Variants in CSTPP1 observed in about 807,000 individuals in gnomAD.
CSTPP1 encodes UPF0705 protein C11orf49.
chr11:46,964,906 G>A, the CSTPP1 span, among the ~76,000 whole-genome samples: 2 of 152,172 alleles, frequency 1.3e-5, no homozygotes, highest in African/African-American at 4.8e-5. Flanking sequence ...AAAATTGGGG[G>A]TTTCTATAGC....
chr11:47,060,258 C>CTTTTTTTTTTTTTTTTTTTT, the CSTPP1 span, among the ~76,000 whole-genome samples: 8 of 99,016 alleles, frequency 8.1e-5, no homozygotes, highest in Non-Finnish European at 7.8e-5. Flanking sequence ...CTTTTCTTTT[C>CTTTTTTTTTTTTTTTTTTTT]TTTTTTTTTT....
At chr11:47,018,852 T>C in the CSTPP1 span, among the ~76,000 whole-genome samples, 1 of 152,234 alleles carries the variant, frequency 6.6e-6, no homozygotes, top group African/African-American at 2.4e-5. Context: ...TTCAAACTTT[T>C]GCCCATTTTT....
chr11:47,036,070 T>C, the CSTPP1 span, among the ~76,000 whole-genome samples: 4 of 12,060 alleles, frequency 3.3e-4, 2 homozygotes, highest in Admixed American at 1.9e-3. Context: ...ATATATATAA[T>C]ATATAAATTA....
the CSTPP1 span, among the ~76,000 whole-genome samples, chr11:47,142,727 CCAAA>C: frequency 6.6e-6 from 1 of 152,148 alleles, no homozygotes; most frequent in Non-Finnish European, 1.5e-5. Context: ...TCAGACCCTT[CCAAA>C]CAATCTGATA....
the CSTPP1 span, among the ~76,000 whole-genome samples, chr11:47,116,027 A>C: frequency 6.6e-6 from 1 of 152,080 alleles, no homozygotes; most frequent in South Asian, 2.1e-4. Flanking sequence ...CTTTGTTCTC[A>C]CTGGTTTCAA....
the CSTPP1 span, among the ~76,000 whole-genome samples, chr11:46,985,770 C>T: frequency 1.3e-5 from 2 of 152,234 alleles, no homozygotes; most frequent in African/African-American, 2.4e-5. Context: ...CCTGTATTAT[C>T]TTATTTATTT....
chr11:47,010,459 T>G, the CSTPP1 span, among the ~76,000 whole-genome samples: 1 of 152,192 alleles, frequency 6.6e-6, no homozygotes, highest in African/African-American at 2.4e-5. Context: ...TGGATCAGAC[T>G]GTTGTGGTGA....
chr11:47,037,772 TC>T, the CSTPP1 span, among the ~76,000 whole-genome samples: 1 of 127,116 alleles, frequency 7.9e-6, no homozygotes, highest in African/African-American at 2.5e-5. Context: ...ATGAAAAGTC[TC>T]CCACGTCTAC....
the CSTPP1 span, among the ~76,000 whole-genome samples, chr11:47,012,680 G>A: frequency 6.6e-6 from 1 of 152,162 alleles, no homozygotes; most frequent in Non-Finnish European, 1.5e-5. Flanking sequence ...TGGCTGGCAG[G>A]TACGACTGGA....
the CSTPP1 span, among the ~76,000 whole-genome samples, chr11:46,969,264 T>G: frequency 6.6e-6 from 1 of 152,240 alleles, no homozygotes; most frequent in African/African-American, 2.4e-5. Flanking sequence ...CTCCTGCATT[T>G]GACAACAGGG....
chr11:47,153,872 C>T, the CSTPP1 span, among the ~76,000 whole-genome samples: 1 of 152,084 alleles, frequency 6.6e-6, no homozygotes, highest in South Asian at 2.1e-4. Context: ...ATCCAGTTGC[C>T]AGTCTGGGAA....
the CSTPP1 span, chr11:46,987,279 C>T: frequency 6.2e-7 from 1 of 1,614,118 alleles, no homozygotes; most frequent in Non-Finnish European, 8.5e-7. Context: ...AGATATTAGC[C>T]AATATGGAAT....
At chr11:46,941,546 G>A in the CSTPP1 span, among the ~76,000 whole-genome samples, 12 of 152,010 alleles carry the variant, frequency 7.9e-5, no homozygotes, top group Non-Finnish European at 1.8e-4. Flanking sequence ...CACCATGTTT[G>A]CCAGGCTGGT....
chr11:46,986,389 G>A, the CSTPP1 span, among the ~76,000 whole-genome samples: 3 of 149,614 alleles, frequency 2.0e-5, no homozygotes, highest in African/African-American at 4.9e-5. Context: ...ACACCAGTAC[G>A]AAAATTTTCA....
chr11:47,160,290 ACT>A, the CSTPP1 span: 17 of 125,774 alleles, frequency 1.4e-4, no homozygotes, highest in Admixed American at 8.8e-4. Flanking sequence ...ACAAAGCAAA[ACT>A]CTGTCTCAAA....
the CSTPP1 span, among the ~76,000 whole-genome samples, chr11:47,120,418 A>G: frequency 1.3e-5 from 2 of 152,140 alleles, no homozygotes; most frequent in Non-Finnish European, 2.9e-5. The surrounding 1 kb of genome is among the most constrained non-coding windows in gnomAD (Gnocchi z 4.2). Context: ...TTTAAGCCTT[A>G]GTTTCTCTAT....
the CSTPP1 span, among the ~76,000 whole-genome samples, chr11:47,142,573 G>A: frequency 1.3e-5 from 2 of 152,242 alleles, no homozygotes; most frequent in South Asian, 2.1e-4. Context: ...ACTCTGTGAC[G>A]TATGACCTTG....
the CSTPP1 span, among the ~76,000 whole-genome samples, chr11:46,975,049 T>C: frequency 0.59 from 88,804 of 151,606 alleles, 29,955 homozygotes; most frequent in Non-Finnish European, 0.76. Flanking sequence ...TTGGGGAGGC[T>C]GAGGCAGGAG....
the CSTPP1 span, among the ~76,000 whole-genome samples, chr11:47,124,162 C>T: frequency 9.3e-6 from 1 of 107,084 alleles, no homozygotes; most frequent in Non-Finnish European, 1.7e-5. Context: ...CTCGTTCCGT[C>T]ACCCAGGCTG....
Sources: gnomAD v4.1 joint callset for allele counts (sites outside exome capture counted in the v4.1 genomes callset) on GRCh38, gnomAD v4.1.1 for gene constraint, Gnocchi (gnomAD v3.1) non-coding constraint, MANE v1.5 for transcripts, NCBI Gene and HGNC (gene_info 2026-07-23, HGNC 2026-07-21) for gene names.